The following CFAP96 variants were observed in gnomAD, a reference collection of about 807,000 sequenced individuals.
The protein encoded by CFAP96 is cilia-and flagella-associated protein 96.
chr4:185,440,240 A>G, the CFAP96 span, among the ~76,000 whole-genome samples: 5 of 152,244 alleles, frequency 3.3e-5, no homozygotes, highest in African/African-American at 1.2e-4. Context: ...ACTAGCGACA[A>G]GTCTTGTTAT....
chr4:185,440,032 ATTT>A, the CFAP96 span, among the ~76,000 whole-genome samples: 2 of 148,328 alleles, frequency 1.3e-5, no homozygotes, highest in Middle Eastern at 3.6e-3. Context: ...TATACATATA[ATTT>A]TTTTAATTAT....
chr4:185,423,938 C>T, the CFAP96 span, among the ~76,000 whole-genome samples: 1 of 152,022 alleles, frequency 6.6e-6, no homozygotes. Context: ...GGCTGAAGAA[C>T]CATAGTACAC....
At chr4:185,447,026 T>C in the CFAP96 span, among the ~76,000 whole-genome samples, 1 of 152,328 alleles carries the variant, frequency 6.6e-6, no homozygotes, top group South Asian at 2.1e-4. Flanking sequence ...TTCTATCTTC[T>C]ATCATCTCTT....
At chr4:185,442,087 T>C in the CFAP96 span, among the ~76,000 whole-genome samples, 3 of 152,122 alleles carry the variant, frequency 2.0e-5, no homozygotes, top group African/African-American at 7.2e-5. Flanking sequence ...ACTCATCTAT[T>C]TGTTTATTTC....
chr4:185,440,752 G>A, the CFAP96 span: 2 of 819,394 alleles, frequency 2.4e-6, no homozygotes, highest in South Asian at 2.2e-5. Context: ...AAAAAATTAA[G>A]TATTATAAAG....
At chr4:185,422,429 C>A in the CFAP96 span, 1 of 1,265,618 alleles carries the variant, frequency 7.9e-7, no homozygotes, top group East Asian at 2.3e-5. Context: ...TGGAAATAAT[C>A]TCAGTATATT....
the CFAP96 span, chr4:185,425,867 A>C: frequency 5.0e-6 from 8 of 1,604,106 alleles, no homozygotes; most frequent in Middle Eastern, 1.7e-4. Flanking sequence ...GATACTCACC[A>C]TGTCCGCGAC....
chr4:185,440,537 CAGAA>C, the CFAP96 span: 4 of 1,492,952 alleles, frequency 2.7e-6, no homozygotes, highest in Middle Eastern at 3.4e-4. Flanking sequence ...CTTTAATTCA[CAGAA>C]AGCGAATGAA....
chr4:185,422,483 A>AT, the CFAP96 span: 1 of 1,605,636 alleles, frequency 6.2e-7, no homozygotes, highest in Non-Finnish European at 8.5e-7. Flanking sequence ...CAGAAGACCT[A>AT]CCATTAGGAG....
chr4:185,420,928 T>G, the CFAP96 span, among the ~76,000 whole-genome samples: 30 of 152,332 alleles, frequency 2.0e-4, no homozygotes, highest in African/African-American at 7.0e-4. Flanking sequence ...GATTAATGGA[T>G]TAATTCTACT....
the CFAP96 span, among the ~76,000 whole-genome samples, chr4:185,438,236 T>C: frequency 6.6e-6 from 1 of 152,172 alleles, no homozygotes; most frequent in African/African-American, 2.4e-5. Context: ...CTCTTGAAAT[T>C]GTCCTACAAT....
chr4:185,418,668 A>G, the CFAP96 span: 14 of 1,614,072 alleles, frequency 8.7e-6, no homozygotes, highest in South Asian at 1.5e-4. Context: ...GCTAGGCCAT[A>G]TATACACTGA....
chr4:185,447,344 G>A, the CFAP96 span, among the ~76,000 whole-genome samples: 1 of 151,840 alleles, frequency 6.6e-6, no homozygotes, highest in African/African-American at 2.4e-5. Context: ...ACCACGCCCG[G>A]CTAATTTTTG....
the CFAP96 span, among the ~76,000 whole-genome samples, chr4:185,432,535 CCTGA>C: frequency 1.3e-5 from 2 of 152,050 alleles, no homozygotes; most frequent in African/African-American, 2.4e-5. Flanking sequence ...TGTCTATGCC[CCTGA>C]CTGTTTTTTC....
chr4:185,410,957 A>AG, the CFAP96 span, among the ~76,000 whole-genome samples: 1 of 151,138 alleles, frequency 6.6e-6, no homozygotes, highest in African/African-American at 2.4e-5. Flanking sequence ...AAAAAAAAAA[A>AG]AAAGAAAGAA....
At chr4:185,449,551 G>T in the CFAP96 span, 12 of 1,203,700 alleles carry the variant, frequency 1.0e-5, no homozygotes, top group South Asian at 2.8e-5. Context: ...ACAGGTATTT[G>T]ACTTGCACCT....
the CFAP96 span, among the ~76,000 whole-genome samples, chr4:185,443,320 G>GTATATATATATATATA: frequency 1.1e-4 from 6 of 55,990 alleles, no homozygotes; most frequent in African/African-American, 1.9e-4. Flanking sequence ...TATTTTTTAT[G>GTATATATATATATATA]TATATATATA....
At chr4:185,438,386 A>G in the CFAP96 span, among the ~76,000 whole-genome samples, 1 of 152,182 alleles carries the variant, frequency 6.6e-6, no homozygotes, top group Non-Finnish European at 1.5e-5. Context: ...GTCAACCAGT[A>G]TATTTTTAAT....
chr4:185,444,987 A>G, the CFAP96 span: 2 of 1,551,316 alleles, frequency 1.3e-6, no homozygotes, highest in South Asian at 2.4e-5. Context: ...AGGCAGGAAC[A>G]TTTGATCCTT....
Sources: allele counts gnomAD v4.1 joint callset (sites outside exome capture counted in the v4.1 genomes callset), GRCh38; gene constraint gnomAD v4.1.1; transcripts MANE v1.5; gene names NCBI Gene and HGNC (gene_info 2026-07-23, HGNC 2026-07-21).